NRP1: variants seen among roughly 807,000 people sequenced by gnomAD.
NRP1 encodes neuropilin 1.
In NRP1, 35 loss-of-function variants were observed where a neutral mutation model predicts 106.7. The observed-to-expected ratio is 0.33, with a 90% CI of 0.25 to 0.43. NRP1 has a LOEUF of 0.43. Among genes scored for constraint, NRP1 ranks in the 20% least tolerant of loss-of-function variants. The probability of loss-of-function intolerance (pLI) is 1.00; values close to 1 mark genes in which losing one functional copy is unlikely to be tolerated. For missense variants in NRP1, 1,024 were observed against 1,170.4 expected (o/e 0.87, Z 1.83); for synonymous variants, 437 against 417.9 (o/e 1.05, Z -0.56).
intron 2 of NRP1, among the ~76,000 whole-genome samples, chr10:33,276,649 T>G (rs1289803715): frequency 6.6e-6 from 1 of 152,194 alleles, no homozygotes; most frequent in Non-Finnish European, 1.5e-5. Context: ...ATATCTGCAC[T>G]TGTTACTCCC....
intron 3 of NRP1, among the ~76,000 whole-genome samples, chr10:33,270,098 C>A (rs1346915098): frequency 6.6e-6 from 1 of 152,146 alleles, no homozygotes; most frequent in Non-Finnish European, 1.5e-5. Flanking sequence ...TTGGAGACTG[C>A]TGCCTTATAA....
Position 33,334,470 on chromosome 10 carries a change from G to A in NRP1, c.-88C>T, listed in dbSNP as rs992421077. 4.6e-5 allele frequency: 54 copies of A among 1,177,686 alleles called. No homozygotes were observed. The highest frequency in any genetic ancestry group is 1.4e-4 in the South Asian group (11 of 76,604). The allele number at this position is 1,177,686 out of a possible 1,614,324, so 73.0% of individuals were successfully genotyped here. A position where few individuals can be genotyped will look rare whatever the true frequency, so the allele number is the denominator to read the frequency against. On this transcript the variant is annotated 5_prime_UTR_variant, in exon 1 of 17. Transcript: ENST00000374867. ...AAGAGGAGAATCTAAGCGATCCGAA[G>A]AGCCCCAACTCCGCCTAGAGCTGTA... is the stretch of plus-strand genomic sequence containing the variant.
In NRP1 at chr10:33,193,544, C is replaced by T. The variant is rs78710344; in HGVS notation, c.1925-1126G>A. ...AGTCCACGAGGTGGCAGCATTGAAA[C>T]AAACAGGAAGGCGCCTGGGGCATCT... On this transcript the variant is annotated intron_variant, in intron 12 of 16. Transcript: ENST00000374867. 9.9e-5 allele frequency among the ~76,000 whole-genome samples: 15 copies of T among 152,272 alleles called. No individual in the cohort carries two copies. The East Asian group carries it at 2.7e-3, about 27-fold the overall frequency.
At chr10:33,199,250 G>C (rs1477326961) in intron 11 of NRP1, among the ~76,000 whole-genome samples, 1 of 150,542 alleles carries the variant, frequency 6.6e-6, no homozygotes, top group Non-Finnish European at 1.5e-5. Flanking sequence ...AGGCTGGAGT[G>C]CAGTGGCGCC....
At chr10:33,250,787 T>C (rs1441169414) in intron 6 of NRP1, among the ~76,000 whole-genome samples, 1 of 152,128 alleles carries the variant, frequency 6.6e-6, no homozygotes, top group Non-Finnish European at 1.5e-5. Context: ...TTCAAGTACT[T>C]AGGACAGATC....
At chr10:33,245,711 C>T (rs1385344770) in intron 6 of NRP1, among the ~76,000 whole-genome samples, 1 of 152,138 alleles carries the variant, frequency 6.6e-6, no homozygotes, top group Non-Finnish European at 1.5e-5. Context: ...ATCACTTAAC[C>T]TCTGAATTTA....
At chr10:33,276,513 G>A (rs1843706806) in intron 2 of NRP1, among the ~76,000 whole-genome samples, 1 of 152,182 alleles carries the variant, frequency 6.6e-6, no homozygotes, top group Admixed American at 6.5e-5. Context: ...AATGATCCCA[G>A]GAAGGCAGGT....
chr10:33,293,728 A>C (rs552832027), intron 2 of NRP1, among the ~76,000 whole-genome samples: 2 of 152,358 alleles, frequency 1.3e-5, no homozygotes, highest in South Asian at 4.1e-4. Context: ...ATCTGCTAAA[A>C]ACGTGCTCGC....
intron 2 of NRP1, among the ~76,000 whole-genome samples, chr10:33,286,157 C>G (rs1292179713): frequency 6.6e-6 from 1 of 152,172 alleles, no homozygotes; most frequent in East Asian, 1.9e-4. Context: ...ATTTAAAGAA[C>G]TCATTTATTA....
chr10:33,267,041 C>CAAAAA (rs1842970395), intron 3 of NRP1, among the ~76,000 whole-genome samples: 1 of 151,552 alleles, frequency 6.6e-6, no homozygotes, highest in Non-Finnish European at 1.5e-5. Context: ...CAAAACAAAA[C>CAAAAA]ACAAAAAACA....
Position 33,179,992 on chromosome 10 carries a change from G to A in NRP1, c.*84C>T, listed in dbSNP as rs1171548242. 2.8e-6 allele frequency: 4 copies of A among 1,412,644 alleles called. No homozygotes were observed. The South Asian group carries it at 3.9e-5, about 14-fold the overall frequency. 87.5% of individuals were successfully genotyped at this position (1,412,644 alleles called of 1,614,324 possible). A position where few individuals can be genotyped will look rare whatever the true frequency, so the allele number is the denominator to read the frequency against. On this transcript the variant is annotated 3_prime_UTR_variant, in exon 17 of 17. Coordinates refer to ENST00000374867, the MANE Select transcript of NRP1 (RefSeq NM_003873.7). ...TGGTCATCAACACACTTCCCAGCCT[G>A]TATAGTGAAAGATCAACAGCTCCCC...
In NRP1 at chr10:33,275,517, G is replaced by T. The variant is rs139612267; in HGVS notation, c.249-4661C>A. On this transcript the variant is annotated intron_variant, in intron 2 of 16. Transcript: ENST00000374867. ...TGGGAGGTGGAGGCTGCAGTGAGCC[G>T]AGATGGCGCCACTGCACACTAGCCT... is the stretch of plus-strand genomic sequence containing the variant. Among the ~76,000 whole-genome samples, 756 of 152,072 alleles carry T rather than the reference G, an allele frequency of 5.0e-3. 10 individuals are homozygous for T. The highest frequency in any genetic ancestry group is 0.017 in the African/African-American group (713 of 41,484).
At chr10:33,314,025 T>C (rs7475393) in intron 2 of NRP1, among the ~76,000 whole-genome samples, 9 of 122,618 alleles carry the variant, frequency 7.3e-5, no homozygotes, top group South Asian at 6.0e-4. Flanking sequence ...TCCTTCTCTC[T>C]CTCTCTTTCT....
At chr10:33,283,112 AG>A (rs1173224006) in intron 2 of NRP1, among the ~76,000 whole-genome samples, 2 of 152,196 alleles carry the variant, frequency 1.3e-5, no homozygotes. Flanking sequence ...AGACCCTTCC[AG>A]TTTCCTTGAA....
chr10:33,231,354 C>T (rs1840112899), intron 6 of NRP1, among the ~76,000 whole-genome samples: 1 of 152,156 alleles, frequency 6.6e-6, no homozygotes, highest in Admixed American at 6.5e-5. Flanking sequence ...AAAATTAAGT[C>T]TCCCTAAGAC....
At chr10:33,299,093 T>TGAGGTTACATTGCTC (rs1455978810) in intron 2 of NRP1, among the ~76,000 whole-genome samples, 1 of 152,162 alleles carries the variant, frequency 6.6e-6, no homozygotes, top group Admixed American at 6.5e-5. Context: ...TGAGGCATGA[T>TGAGGTTACATTGCTC]GAGGTTACAT....
intron 6 of NRP1, among the ~76,000 whole-genome samples, chr10:33,234,002 C>G (rs1391324011): frequency 6.6e-6 from 1 of 152,156 alleles, no homozygotes; most frequent in Non-Finnish European, 1.5e-5. Context: ...GGACTTCTTA[C>G]TGTTATGAAT....
intron 9 of NRP1, among the ~76,000 whole-genome samples, chr10:33,207,925 T>C (rs746643535): frequency 6.6e-6 from 1 of 152,142 alleles, no homozygotes; most frequent in Non-Finnish European, 1.5e-5. Flanking sequence ...TATTTATTTA[T>C]TCATTATTAT....
At chr10:33,275,412 C>A (rs1035887535) in intron 2 of NRP1, among the ~76,000 whole-genome samples, 4 of 151,972 alleles carry the variant, frequency 2.6e-5, no homozygotes, top group Admixed American at 6.6e-5. Context: ...ACTAAAAATA[C>A]AAAAAATTAG....
Sources: allele counts gnomAD v4.1 joint callset (sites outside exome capture counted in the v4.1 genomes callset), GRCh38; gene constraint gnomAD v4.1.1; transcripts MANE v1.5; gene names NCBI Gene and HGNC (gene_info 2026-07-23, HGNC 2026-07-21).